Variants in RFC2 observed in about 807,000 individuals in gnomAD.
RFC2 encodes A1 40 kDa subunit.
A neutral mutation model predicts 44.8 loss-of-function variants in RFC2; 34 were observed. The observed-to-expected ratio is 0.76, with a 90% CI of 0.58 to 1.01. The LOEUF (loss-of-function observed/expected upper bound fraction) is 1.01. RFC2 is among the 50% of genes least tolerant of loss of function. RFC2 has a pLI of 0.00. For missense variants in RFC2, 400 were observed against 453.6 expected (o/e 0.88, Z 1.07); for synonymous variants, 177 against 168.9 (o/e 1.05, Z -0.37).
At chr7:74,248,120 A>T (rs1554720371) in intron 4 of RFC2, among the ~76,000 whole-genome samples, 1 of 151,934 alleles carries the variant, frequency 6.6e-6, no homozygotes, top group African/African-American at 2.4e-5. Context: ...TTAAATATAC[A>T]GGCTGAGTAT....
chr7:74,232,327 T>C (rs1290453823), intron 10 of RFC2, 111 bp from the exon 11 acceptor site: 1 of 647,308 alleles, frequency 1.5e-6, no homozygotes, highest in Non-Finnish European at 2.7e-6. Flanking sequence ...CTAATGGTTT[T>C]TTCAAAATCA....
Position 74,232,159 on chromosome 7 carries a change from C to T in RFC2, c.1012G>A (p.Ala338Thr), listed in dbSNP as rs782006697. ...AEGVNSLLQM[A>T]GLLARLCQKT... Reference sequence around the variant, plus strand: ...TGACACAGCCTTGCCAGGAGGCCTGCCATCTGCAAAAGAGAGTTCACTCCT... The same window carrying T: ...TGACACAGCCTTGCCAGGAGGCCTGTCATCTGCAAAAGAGAGTTCACTCCT... The change falls in exon 11 of 11, where the codon GCA becomes ACA. Residue 338 changes from alanine (A) to threonine (T), a missense_variant. Coordinates refer to ENST00000055077, the MANE Select transcript of RFC2 (RefSeq NM_181471.3). The T allele has an allele frequency of 1.7e-5, 27 of 1,613,460 alleles. No homozygotes were observed. The highest frequency in any genetic ancestry group is 2.1e-5 in the Non-Finnish European group (25 of 1,179,496).
chr7:74,238,838 C>A lies in RFC2; in HGVS notation c.759+85G>T. 1 of 1,122,264 alleles carries A rather than the reference C, an allele frequency of 8.9e-7. No individual in the cohort carries two copies. Among genetic ancestry groups the A allele is most frequent in the Admixed American group, 1.8e-5 (1 of 56,950 alleles). 69.5% of individuals were successfully genotyped at this position (1,122,264 alleles called of 1,614,324 possible). A position where few individuals can be genotyped will look rare whatever the true frequency, so the allele number is the denominator to read the frequency against. ...AAGAGCAGCTAGATGTCCGTCCCCA[C>A]TGCCAGCCCAGCCCTTCAGCCCCAC... On this transcript the variant is annotated intron_variant, in intron 8 of 10. Coordinates refer to ENST00000055077, the MANE Select transcript of RFC2 (RefSeq NM_181471.3). This position sits in a 1 kb window ranked among gnomAD's most constrained non-coding sequence, Gnocchi z 4.0.
chr7:74,239,957 G>A lies in RFC2; in HGVS notation c.674C>T (p.Ala225Val), dbSNP rs1554718988. Residue 225 changes from alanine (A) to valine (V), a missense_variant, in exon 7 of 11, where the codon GCC (alanine) becomes GTC (valine). Transcript: ENST00000055077. Reference sequence around the variant, plus strand: ...ACATACCTGCCTCATGTCTCCCTGGGCCGTGAAGATGATGGCTTCTAGGCC... The same window carrying A: ...ACATACCTGCCTCATGTCTCCCTGGACCGTGAAGATGATGGCTTCTAGGCC... ...DDGLEAIIFTAQGDMRQALNN... is the reference protein window; with the variant it reads ...DDGLEAIIFTVQGDMRQALNN... The A allele has an allele frequency of 6.2e-7, 1 of 1,609,374 alleles. No homozygotes were observed.
intron 6 of RFC2, among the ~76,000 whole-genome samples, chr7:74,240,891 G>A (rs537190761): frequency 4.9e-4 from 75 of 152,162 alleles, no homozygotes; most frequent in African/African-American, 1.7e-3. Context: ...CTCCCAAAGT[G>A]CAGGGATTAC....
At position 74,252,466 on chromosome 7, in the gene RFC2, T is replaced by A; in HGVS notation, c.146A>T (p.Glu49Val). 2 of 1,608,912 alleles carry A rather than the reference T, an allele frequency of 1.2e-6. No individual in the cohort carries two copies. Among genetic ancestry groups the A allele is most frequent in the Non-Finnish European group, 1.7e-6 (2 of 1,175,666 alleles). ...CACGGTGTCTTCATTCCCGACAATT[T>A]CATTCAGCTTTACTGGCCTATATTT... The part of the protein sequence containing the change: ...VEKYRPVKLN[E>V]IVGNEDTVSR... The change falls in exon 2 of 11, where the codon GAA becomes GTA. Residue 49 changes from glutamate to valine, a missense_variant. By Grantham distance (121) the Glu-to-Val change is moderately radical. Coordinates refer to ENST00000055077, the MANE Select transcript of RFC2 (RefSeq NM_181471.3).
At chr7:74,244,733 C>T (rs1803505449) in intron 5 of RFC2, among the ~76,000 whole-genome samples, 1 of 151,304 alleles carries the variant, frequency 6.6e-6, no homozygotes, top group African/African-American at 2.4e-5. Context: ...TTTGGGAGGC[C>T]GAGGCAGACA....
At chr7:74,232,675 A>C (rs1318593838) in intron 10 of RFC2, among the ~76,000 whole-genome samples, 1 of 152,110 alleles carries the variant, frequency 6.6e-6, no homozygotes, top group African/African-American at 2.4e-5. Context: ...GATCAGCCTG[A>C]CCAACATGGT....
At chr7:74,235,953 C>T (rs1404385148) in intron 9 of RFC2, among the ~76,000 whole-genome samples, 2 of 152,182 alleles carry the variant, frequency 1.3e-5, no homozygotes, top group East Asian at 3.8e-4. Context: ...GCCACTGAGC[C>T]CAGCCTATCG....
intron 4 of RFC2, among the ~76,000 whole-genome samples, chr7:74,248,476 T>C (rs1554720466): frequency 1.3e-5 from 2 of 151,436 alleles, no homozygotes; most frequent in Non-Finnish European, 2.9e-5. Context: ...CAAAAATTTT[T>C]AAACTTGAAA....
intron 9 of RFC2, among the ~76,000 whole-genome samples, chr7:74,235,849 G>A (rs889405302): frequency 1.3e-5 from 2 of 151,958 alleles, no homozygotes; most frequent in African/African-American, 4.8e-5. Flanking sequence ...ATAAAGATAA[G>A]AGTCTTGCTA....
rs1294692782 is a variant in RFC2, at chr7:74,238,832, T to C, written c.759+91A>G. ...ACCCACAAGAGCAGCTAGATGTCCG[T>C]CCCCACTGCCAGCCCAGCCCTTCAG... On this transcript the variant is annotated intron_variant, in intron 8 of 10. Coordinates refer to ENST00000055077, the MANE Select transcript of RFC2 (RefSeq NM_181471.3). The surrounding 1 kb of genome is among the most constrained non-coding windows in gnomAD (Gnocchi z 4.0). 2.0e-6 allele frequency: 2 copies of C among 1,012,926 alleles called. No homozygotes were observed. The highest frequency in any genetic ancestry group is 3.1e-6 in the Non-Finnish European group (2 of 643,138). 62.7% of individuals were successfully genotyped at this position (1,012,926 alleles called of 1,614,324 possible). A position where few individuals can be genotyped will look rare whatever the true frequency, so the allele number is the denominator to read the frequency against.
At chr7:74,242,465 T>G (rs1364485013) in intron 6 of RFC2, among the ~76,000 whole-genome samples, 1 of 152,202 alleles carries the variant, frequency 6.6e-6, no homozygotes, top group African/African-American at 2.4e-5. Flanking sequence ...CATAGGATTA[T>G]GTAAGATTAA....
intron 9 of RFC2, 193 bp downstream of exon 9, chr7:74,237,169 A>C (rs3135689): frequency 1.5e-4 from 69 of 469,716 alleles, no homozygotes; most frequent in Middle Eastern, 3.2e-4. Context: ...GCTGGGGTAC[A>C]GTGGCGCAAT....
intron 10 of RFC2, 33 bp downstream of exon 10, chr7:74,235,499 T>C (rs782309006): frequency 2.2e-6 from 3 of 1,369,032 alleles, no homozygotes; most frequent in East Asian, 2.3e-5. Context: ...GCCACATTCT[T>C]GAGGACAGAG....
chr7:74,233,255 G>C (rs1205871952), intron 10 of RFC2, among the ~76,000 whole-genome samples: 1 of 152,124 alleles, frequency 6.6e-6, no homozygotes, highest in Non-Finnish European at 1.5e-5. Flanking sequence ...GCTCACACCT[G>C]TAATTCTAGC....
chr7:74,246,907 A>C, intron 4 of RFC2, 144 bp from the exon 5 acceptor site: 1 of 497,650 alleles, frequency 2.0e-6, no homozygotes, highest in Non-Finnish European at 3.6e-6. Context: ...GTAACTATTT[A>C]TAAGGATTGA....
intron 5 of RFC2, among the ~76,000 whole-genome samples, chr7:74,244,251 G>C (rs750622766): frequency 2.0e-5 from 3 of 151,694 alleles, no homozygotes; most frequent in Non-Finnish European, 4.4e-5. Flanking sequence ...CTGGGCAACA[G>C]AGTGAGGCTC....
At chr7:74,234,731 C>G (rs1161247053) in intron 10 of RFC2, among the ~76,000 whole-genome samples, 1 of 152,028 alleles carries the variant, frequency 6.6e-6, no homozygotes, top group Non-Finnish European at 1.5e-5. Context: ...TTCAAATGAG[C>G]CTGGCACCTC....
Sources: gnomAD v4.1 joint callset for allele counts (sites outside exome capture counted in the v4.1 genomes callset) on GRCh38, gnomAD v4.1.1 for gene constraint, Gnocchi (gnomAD v3.1) non-coding constraint, MANE v1.5 for transcripts, NCBI Gene and HGNC (gene_info 2026-07-23, HGNC 2026-07-21) for gene names.